Variants in SUPT3H observed in about 807,000 individuals in gnomAD.
The protein encoded by SUPT3H is SPT3 homolog, SAGA and STAGA complex component, also known as transcription initiation protein SPT3 homolog.
A neutral mutation model predicts 44.3 loss-of-function variants in SUPT3H; 44 were observed. The ratio of observed to expected loss-of-function variants is 0.99; its 90% CI spans 0.78 to 1.28. The LOEUF (loss-of-function observed/expected upper bound fraction) is 1.28. SUPT3H is among the 50% of genes most tolerant of loss of function. SUPT3H has a pLI of 0.00. For missense variants in SUPT3H, 380 were observed against 387.1 expected, an observed-to-expected ratio of 0.98 and a Z score of 0.15; for synonymous variants, 124 against 125.6, an observed-to-expected ratio of 0.99 and a Z score of 0.09.
At chr6:45,013,994 T>G (rs1048862841) in intron 5 of SUPT3H, among the ~76,000 whole-genome samples, 1 of 152,076 alleles carries the variant, frequency 6.6e-6, no homozygotes, top group African/African-American at 2.4e-5. Context: ...TTAGGACAAT[T>G]TCTACAGACT....
intron 2 of SUPT3H, among the ~76,000 whole-genome samples, chr6:45,348,407 C>T (rs1021553628): frequency 6.6e-6 from 1 of 151,614 alleles, no homozygotes; most frequent in African/African-American, 2.4e-5. Flanking sequence ...TGGCTCACGC[C>T]TGTAATCCCA....
At chr6:45,344,188 G>C (rs1037167186) in intron 2 of SUPT3H, among the ~76,000 whole-genome samples, 1 of 152,164 alleles carries the variant, frequency 6.6e-6, no homozygotes, top group Non-Finnish European at 1.5e-5. Flanking sequence ...AGTATACAAA[G>C]AGTTAGACCA....
chr6:45,184,353 C>T (rs1813803232), intron 2 of SUPT3H, among the ~76,000 whole-genome samples: 1 of 152,026 alleles, frequency 6.6e-6, no homozygotes, highest in South Asian at 2.1e-4. Flanking sequence ...GAAAATAATC[C>T]TGTTATTCTA....
At position 44,978,670 on chromosome 6, in the gene SUPT3H, T is replaced by C. The variant is rs190663489; in HGVS notation, c.505-16842A>G. 3.5e-4 allele frequency among the ~76,000 whole-genome samples: 53 copies of C among 152,300 alleles called. 1 individual carries two copies. In the East Asian group the frequency reaches 6.9e-3, roughly 20 times the overall value. On this transcript the variant is annotated intron_variant, in intron 6 of 10. Coordinates refer to ENST00000371459, the MANE Select transcript of SUPT3H (RefSeq NM_003599.4). ...GCATGGTCTCATCTGTCTGGGAAGG[T>C]CATCCTTCCTTTCTATTCGTTCTAA...
intron 6 of SUPT3H, among the ~76,000 whole-genome samples, chr6:44,990,480 T>A (rs1040848785): frequency 1.3e-5 from 2 of 152,156 alleles, no homozygotes; most frequent in South Asian, 4.2e-4. Flanking sequence ...GATCAGGGTG[T>A]GATGCCTCCC....
intron 2 of SUPT3H, among the ~76,000 whole-genome samples, chr6:45,338,806 A>C (rs1009079393): frequency 1.3e-5 from 2 of 152,088 alleles, no homozygotes; most frequent in East Asian, 3.9e-4. Flanking sequence ...TGGATGAGAC[A>C]AGGGAGGCAT....
chr6:45,074,445 A>G (rs927973531), intron 3 of SUPT3H, among the ~76,000 whole-genome samples: 3 of 152,050 alleles, frequency 2.0e-5, no homozygotes, highest in Non-Finnish European at 4.4e-5. Context: ...TATGAAAGGC[A>G]ATAAGCCAAG....
intron 10 of SUPT3H, among the ~76,000 whole-genome samples, chr6:44,928,882 C>CAAAAAAAAAA (rs35656937): frequency 4.8e-5 from 1 of 20,634 alleles, no homozygotes; most frequent in African/African-American, 3.1e-4. Context: ...GACTCCGTCT[C>CAAAAAAAAAA]AAAAAAAAAA....
At chr6:44,818,127 C>T (rs1005770964) in intron 11 of SUPT3H, among the ~76,000 whole-genome samples, 2 of 152,008 alleles carry the variant, frequency 1.3e-5, no homozygotes, top group African/African-American at 4.8e-5. Context: ...TGGAACAAAA[C>T]AGGATGCAAA....
intron 10 of SUPT3H, among the ~76,000 whole-genome samples, chr6:44,876,450 C>G (rs71304116): frequency 2.4e-5 from 3 of 123,850 alleles, no homozygotes; most frequent in Non-Finnish European, 4.9e-5. Context: ...GGGAATTGAA[C>G]AATGAGATCA....
intron 2 of SUPT3H, among the ~76,000 whole-genome samples, chr6:45,310,322 A>C (rs914264356): frequency 6.6e-6 from 1 of 151,892 alleles, no homozygotes; most frequent in African/African-American, 2.4e-5. Flanking sequence ...CCCCATCCCC[A>C]CCTGACAGGA....
At chr6:44,884,771 G>A (rs1011409336) in intron 10 of SUPT3H, among the ~76,000 whole-genome samples, 5 of 152,198 alleles carry the variant, frequency 3.3e-5, no homozygotes, top group African/African-American at 1.2e-4. Context: ...GCGCAGGTCA[G>A]TGGGTGCAGC....
chr6:45,042,557 G>GT (rs770914562), intron 3 of SUPT3H, among the ~76,000 whole-genome samples: 1 of 151,954 alleles, frequency 6.6e-6, no homozygotes. Context: ...ATTAGTTGTT[G>GT]TTTTTTTTAA....
At chr6:45,277,474 A>T (rs755626642) in intron 2 of SUPT3H, among the ~76,000 whole-genome samples, 1 of 152,138 alleles carries the variant, frequency 6.6e-6, no homozygotes, top group Admixed American at 6.5e-5. Flanking sequence ...GATGGATACA[A>T]TCTTTATCTC....
At chr6:44,955,661 C>T (rs1390658581) in intron 7 of SUPT3H, among the ~76,000 whole-genome samples, 1 of 152,086 alleles carries the variant, frequency 6.6e-6, no homozygotes, top group Non-Finnish European at 1.5e-5. Context: ...TCACTTATAA[C>T]TGAGAGCTAA....
intron 2 of SUPT3H, among the ~76,000 whole-genome samples, chr6:45,261,404 A>C (rs1162338566): frequency 6.6e-6 from 1 of 152,158 alleles, no homozygotes; most frequent in Admixed American, 6.6e-5. Context: ...CTTGTGATGC[A>C]AGGTTGGGTC....
chr6:45,007,788 G>A (rs761896068), intron 5 of SUPT3H, among the ~76,000 whole-genome samples: 33 of 150,522 alleles, frequency 2.2e-4, no homozygotes, highest in Non-Finnish European at 3.7e-4. Context: ...GTAATCAATG[G>A]TAAGGGTTTG....
At chr6:45,291,041 T>C (rs1780231633) in intron 2 of SUPT3H, among the ~76,000 whole-genome samples, 3 of 152,196 alleles carry the variant, frequency 2.0e-5, no homozygotes, top group Non-Finnish European at 2.9e-5. Context: ...AGGAAGCAGA[T>C]TCCTCCTGCA....
At chr6:45,106,451 T>C (rs149481244) in intron 2 of SUPT3H, among the ~76,000 whole-genome samples, 23 of 151,976 alleles carry the variant, frequency 1.5e-4, no homozygotes, top group African/African-American at 4.8e-4. Context: ...CAAAAGAAAA[T>C]AAAAGAAAGT....
Sources: gnomAD v4.1 joint callset for allele counts (sites outside exome capture counted in the v4.1 genomes callset) on GRCh38, gnomAD v4.1.1 for gene constraint, MANE v1.5 for transcripts, NCBI Gene and HGNC (gene_info 2026-07-23, HGNC 2026-07-21) for gene names.